CTNNA2: variants seen among roughly 807,000 people sequenced by gnomAD.
CTNNA2 encodes catenin alpha 2, also known as catenin alpha-2.
CTNNA2 carries 42 observed loss-of-function variants against 101.0 expected under a neutral mutation model. The observed-to-expected ratio is 0.42, with a 90% confidence interval of 0.32 to 0.54. CTNNA2 has a LOEUF of 0.54. Among genes scored for constraint, CTNNA2 ranks in the 20% least tolerant of loss-of-function variants. The pLI is 0.14. For synonymous variants in CTNNA2, 450 were observed against 456.4 expected (o/e 0.99, Z 0.18); for missense variants, 871 against 1,223.1 (o/e 0.71, Z 4.29).
chr2:79,491,190 A>T (rs1671204813), intron 4 of CTNNA2, among the ~76,000 whole-genome samples: 1 of 152,136 alleles, frequency 6.6e-6, no homozygotes, highest in Non-Finnish European at 1.5e-5. Flanking sequence ...TTACACTTTT[A>T]TTCCTCTAAG....
intron 7 of CTNNA2, among the ~76,000 whole-genome samples, chr2:80,287,760 C>T (rs76487448): frequency 0.015 from 2,298 of 152,242 alleles, 15 homozygotes; most frequent in South Asian, 0.024. Flanking sequence ...AAAGTCCAGT[C>T]ATTTTTCATT....
intron 7 of CTNNA2, among the ~76,000 whole-genome samples, chr2:80,097,425 G>C (rs1356474013): frequency 6.6e-6 from 1 of 152,244 alleles, no homozygotes; most frequent in South Asian, 2.1e-4. Context: ...CTTTCTCTCT[G>C]GCTGCCCTTA....
rs1675235414 is a variant in CTNNA2, at chr2:80,291,483, G to A, written c.1057-101728G>A. On this transcript the variant is annotated intron_variant, in intron 7 of 18. Coordinates refer to ENST00000402739, the MANE Select transcript of CTNNA2 (RefSeq NM_001282597.3). ...CTGCCAGAAGAAAGGGTCAACCTCA[G>A]ATGTGTACTTCATCATTTGTTAAAT... is the stretch of plus-strand genomic sequence containing the variant. 2.0e-5 allele frequency among the ~76,000 whole-genome samples: 3 copies of A among 152,228 alleles called. No homozygotes were observed. In the South Asian group the frequency reaches 6.2e-4, roughly 31 times the overall value.
intron 7 of CTNNA2, among the ~76,000 whole-genome samples, chr2:80,177,756 T>C (rs1241288375): frequency 1.3e-5 from 2 of 152,244 alleles, no homozygotes; most frequent in African/African-American, 4.8e-5. Flanking sequence ...TCCATCTATA[T>C]ACCTCTTCCC....
intron 9 of CTNNA2, among the ~76,000 whole-genome samples, chr2:80,461,182 C>G (rs577143449): frequency 6.6e-6 from 1 of 152,232 alleles, no homozygotes; most frequent in African/African-American, 2.4e-5. Flanking sequence ...AACAAAGAAT[C>G]CTGTTAAGTC....
Position 79,323,015 on chromosome 2 carries a change from G to A in CTNNA2, c.-318+10219G>A, listed in dbSNP as rs936963583. Among the ~76,000 whole-genome samples, 15 of 152,120 alleles carry A rather than the reference G, an allele frequency of 9.9e-5. 1 individual carries two copies. Among genetic ancestry groups the A allele is most frequent in the Non-Finnish European group, 2.9e-5 (2 of 68,034 alleles). On this transcript the variant is annotated intron_variant, in intron 3 of 21. Coordinates refer to the CTNNA2 transcript ENST00000466387. ...AACATCTTTCATCACAGGCATTGGG[G>A]TATTTTCCCATGCTAGGAATAAGAG...
intron 4 of CTNNA2, among the ~76,000 whole-genome samples, chr2:79,442,440 T>C (rs1178247088): frequency 6.6e-6 from 1 of 152,202 alleles, no homozygotes; most frequent in African/African-American, 2.4e-5. Flanking sequence ...TATGTTTCTT[T>C]GCTCTGCTTT....
intron 4 of CTNNA2, among the ~76,000 whole-genome samples, chr2:79,420,293 G>T (rs1678527905): frequency 1.3e-5 from 2 of 152,164 alleles, no homozygotes; most frequent in Non-Finnish European, 2.9e-5. Flanking sequence ...TGAAGCAGGG[G>T]CTCAATGTAT....
chr2:79,339,832 G>C (rs1479199657), intron 3 of CTNNA2: 2 of 152,092 alleles, frequency 1.3e-5, no homozygotes, highest in Non-Finnish European at 2.9e-5. Context: ...GGATTTCCTG[G>C]GTTTGAAGAC....
intron 3 of CTNNA2, among the ~76,000 whole-genome samples, chr2:79,815,187 A>G (rs1338247043): frequency 6.6e-6 from 1 of 152,114 alleles, no homozygotes. Context: ...TGTCAGATGT[A>G]TAGATTGTGA....
intron 7 of CTNNA2, among the ~76,000 whole-genome samples, chr2:80,097,743 C>T (rs1700249996): frequency 6.6e-6 from 1 of 152,186 alleles, no homozygotes; most frequent in Non-Finnish European, 1.5e-5. Context: ...CTTCTCACTT[C>T]ATTTCATTCA....
intron 1 of CTNNA2, among the ~76,000 whole-genome samples, chr2:79,527,208 G>A (rs1434469548): frequency 6.6e-6 from 1 of 152,004 alleles, no homozygotes; most frequent in Non-Finnish European, 1.5e-5. Flanking sequence ...CAAAGGACTA[G>A]AATAGACATT....
chr2:79,795,832 A>C (rs1184908177), intron 3 of CTNNA2, among the ~76,000 whole-genome samples: 1 of 152,234 alleles, frequency 6.6e-6, no homozygotes, highest in Non-Finnish European at 1.5e-5. Flanking sequence ...TACTGCATTC[A>C]TTAGTCTTTT....
intron 3 of CTNNA2, among the ~76,000 whole-genome samples, chr2:79,354,600 T>G (rs1007844009): frequency 2.0e-5 from 3 of 152,192 alleles, no homozygotes; most frequent in African/African-American, 7.2e-5. Flanking sequence ...ATTCCTTAGA[T>G]TGGGTTTCAA....
At chr2:79,875,105 A>T (rs961760925) in intron 6 of CTNNA2, among the ~76,000 whole-genome samples, 1 of 152,184 alleles carries the variant, frequency 6.6e-6, no homozygotes, top group Non-Finnish European at 1.5e-5. Flanking sequence ...TAGTTCTCTG[A>T]AAGTCCTACA....
intron 2 of CTNNA2, among the ~76,000 whole-genome samples, chr2:79,280,190 C>G (rs1319407025): frequency 6.6e-6 from 1 of 152,140 alleles, no homozygotes; most frequent in Non-Finnish European, 1.5e-5. Flanking sequence ...AATAGCACAT[C>G]TTTTTCCTCT....
At chr2:79,213,650 G>C (rs963147792) in intron 2 of CTNNA2, among the ~76,000 whole-genome samples, 41 of 152,100 alleles carry the variant, frequency 2.7e-4, no homozygotes, top group Non-Finnish European at 4.3e-4. Context: ...GGGGAAATTG[G>C]GTGAATGTCA....
chr2:80,032,640 A>G (rs2104204140), intron 7 of CTNNA2, among the ~76,000 whole-genome samples: 1 of 152,364 alleles, frequency 6.6e-6, no homozygotes, highest in South Asian at 2.1e-4. Context: ...CACTGAGTGA[A>G]GTAGCAGTAT....
intron 7 of CTNNA2, among the ~76,000 whole-genome samples, chr2:80,348,218 G>A (rs1672953445): frequency 6.6e-6 from 1 of 152,088 alleles, no homozygotes; most frequent in African/African-American, 2.4e-5. Flanking sequence ...AATCACCAGA[G>A]ACAAGTAAGT....
Sources: allele counts gnomAD v4.1 joint callset (sites outside exome capture counted in the v4.1 genomes callset), GRCh38; gene constraint gnomAD v4.1.1; transcripts MANE v1.5; gene names NCBI Gene and HGNC (gene_info 2026-07-23, HGNC 2026-07-21).